Variants in TIE1 observed in about 807,000 individuals in gnomAD.
TIE1 encodes the protein tyrosine-protein kinase receptor Tie-1.
In TIE1, 89 loss-of-function variants were observed where a neutral mutation model predicts 130.5. The observed-to-expected ratio is 0.68, with a 90% CI of 0.57 to 0.81. TIE1 has a LOEUF of 0.81. Ranked by LOEUF, TIE1 falls within the 40% of genes least tolerant of loss-of-function variation. TIE1 has a pLI of 0.00. For synonymous variants in TIE1, 568 were observed against 629.4 expected (o/e 0.90, Z 1.46); for missense variants, 1,392 against 1,559.8 (o/e 0.89, Z 1.81).
chr1:43,301,155 C>A, intron 1 of TIE1, 26 bp downstream of exon 1: 1 of 1,605,178 alleles, frequency 6.2e-7, no homozygotes, highest in African/African-American at 1.3e-5. Flanking sequence ...GTCCCTCACC[C>A]CATTTCTAGG....
intron 1 of TIE1, among the ~76,000 whole-genome samples, chr1:43,304,497 G>A (rs1646702710): frequency 6.6e-6 from 1 of 152,230 alleles, no homozygotes; most frequent in African/African-American, 2.4e-5. Flanking sequence ...CGGAGACAGG[G>A]AGCATAGATC....
At chr1:43,301,438 A>G (rs897850114) in intron 1 of TIE1, among the ~76,000 whole-genome samples, 7 of 151,860 alleles carry the variant, frequency 4.6e-5, no homozygotes, top group Non-Finnish European at 1.0e-4. Context: ...ACTGGTCAAC[A>G]TAGTGAGACC....
chr1:43,321,770 C>A lies in TIE1; in HGVS notation c.3345+55C>A. On this transcript the variant is annotated intron_variant, in intron 22 of 22. Coordinates refer to ENST00000372476, the MANE Select transcript of TIE1 (RefSeq NM_005424.5). ...TGGGCTCACAGAGTGCTCCAGAGTGCCCTCTCAGAGGTGCCATGACCCCTG... is the reference window on the plus strand; with the variant it reads ...TGGGCTCACAGAGTGCTCCAGAGTGACCTCTCAGAGGTGCCATGACCCCTG... 1.3e-5 allele frequency: 20 copies of A among 1,508,838 alleles called. 1 individual carries two copies. In the South Asian group the frequency reaches 2.3e-4, roughly 17 times the overall value. 93.5% of individuals were successfully genotyped at this position (1,508,838 alleles called of 1,614,324 possible). A position where few individuals can be genotyped will look rare whatever the true frequency, so the allele number is the denominator to read the frequency against.
Position 43,307,640 on chromosome 1 carries a change from A to G in TIE1, c.913+68A>G. On this transcript the variant is annotated intron_variant, in intron 6 of 22. Transcript: ENST00000372476. This position sits in a 1 kb window ranked among gnomAD's most constrained non-coding sequence, Gnocchi z 5.4. ...GCCAGGAGCTTGACCCGGACCCTCC[A>G]CTCTGCCTCTGACTTACGCAGCAAG... 1 of 1,609,870 alleles carries G rather than the reference A, an allele frequency of 6.2e-7. No individual in the cohort carries two copies.
At chr1:43,308,766 G>A (rs1467809) in intron 7 of TIE1, 444,630 of 662,302 alleles carry the variant, frequency 0.67, 151,897 homozygotes, top group South Asian at 0.83. Context: ...GCAGGTATTA[G>A]ACGGTATCGG....
intron 14 of TIE1, chr1:43,314,418 C>A: frequency 1.8e-6 from 2 of 1,107,680 alleles, no homozygotes; most frequent in Non-Finnish European, 2.2e-6. Context: ...TCTGTCTGCA[C>A]ACATCTTTGG....
rs1301677493 is a variant in TIE1, at chr1:43,306,098, T to C, written c.485-742T>C. 4.0e-5 allele frequency among the ~76,000 whole-genome samples: 6 copies of C among 151,720 alleles called. No homozygotes were observed. The East Asian group carries it at 1.2e-3, about 29-fold the overall frequency. ...CCTGAGCAAAGAGGCAAGAAGCGGG[T>C]GGGGCAGCGACTGGAGCACTCTTCT... is the stretch of plus-strand genomic sequence containing the variant. On this transcript the variant is annotated intron_variant, in intron 3 of 22. Coordinates refer to ENST00000372476, the MANE Select transcript of TIE1 (RefSeq NM_005424.5). This position sits in a 1 kb window ranked among gnomAD's most constrained non-coding sequence, Gnocchi z 4.9.
chr1:43,304,756 C>T (rs1399527293), intron 1 of TIE1, 95 bp from the exon 2 acceptor site: 2 of 1,277,994 alleles, frequency 1.6e-6, no homozygotes, highest in Non-Finnish European at 1.0e-6. Context: ...TCTGAGTGGA[C>T]GGTGGATCAG....
Position 43,318,037 on chromosome 1 carries a change from G to A in TIE1, c.2887G>A (p.Ala963Thr). The change falls in exon 17 of 23, where the codon GCG becomes ACG. Residue 963 changes from alanine (A) to threonine (T), a missense_variant. By Grantham distance (58) the Ala-to-Thr change is moderately conservative (BLOSUM62 0). Around this residue, in one of 6 missense-constraint regions of TIE1, gnomAD observed 286 missense variants for 354.4 expected, o/e 0.81. Transcript: ENST00000372476. The surrounding 1 kb of genome is among the most constrained non-coding windows in gnomAD (Gnocchi z 4.4). ...GCAGCTGCTGCGTTTCGCCAGTGAT[G>A]CGGCCAATGGCATGCAGTACCTGAG... ...SRQLLRFASD[A>T]ANGMQYLSEK... 1.3e-6 allele frequency: 2 copies of A among 1,577,602 alleles called. No homozygotes were observed. The highest frequency in any genetic ancestry group is 1.2e-5 in the South Asian group (1 of 83,948).
chr1:43,308,510 A>ACTCAGGTTTGGGTACCAGGACAGTGG (rs1246859644), intron 7 of TIE1, among the ~76,000 whole-genome samples: 5 of 151,842 alleles, frequency 3.3e-5, no homozygotes, highest in African/African-American at 7.3e-5. Context: ...GGGACTGGGG[A>ACTCAGGTTTGGGTACCAGGACAGTGG]AATGGTCAGA....
chr1:43,321,055 C>CAAAA (rs1237782969), intron 19 of TIE1, among the ~76,000 whole-genome samples: 2 of 121,196 alleles, frequency 1.7e-5, no homozygotes, highest in Non-Finnish European at 3.4e-5. Context: ...AAAAAAAAAA[C>CAAAA]AAAACAAAAG....
At position 43,319,024 on chromosome 1, in the gene TIE1, C is replaced by A. The variant is rs1172683247; in HGVS notation, c.2923-211C>A. ...CACTGTCTCAGGAAAAGGGATCCAG[C>A]CTGAACTTGGTCAGGGCCCAGGAAC... On this transcript the variant is annotated intron_variant, in intron 17 of 22. Transcript: ENST00000372476. This position sits in a 1 kb window ranked among gnomAD's most constrained non-coding sequence, Gnocchi z 4.7. Among the ~76,000 whole-genome samples, 1 of 152,054 alleles carries A rather than the reference C, an allele frequency of 6.6e-6. No homozygotes were observed. The highest frequency in any genetic ancestry group is 6.6e-5 in the Admixed American group (1 of 15,264).
At position 43,312,004 on chromosome 1, in the gene TIE1, T is replaced by C. The variant is rs1402374956; in HGVS notation, c.1503T>C (p.Ser501=). Residue 501 remains serine, a synonymous_variant, in exon 11 of 23, where the codon AGT becomes AGC. Transcript: ENST00000372476. The surrounding 1 kb of genome is among the most constrained non-coding windows in gnomAD (Gnocchi z 5.6). ...ACACCCCACGCCCAGTGGACCCCAG[T>C]GAGAACGTGACGTTAATGAACCTGA... is the stretch of plus-strand genomic sequence containing the variant. ...MDWSTIVVDP[S]ENVTLMNLRP... 1.3e-6 allele frequency: 2 copies of C among 1,591,636 alleles called. No individual in the cohort carries two copies. The highest frequency in any genetic ancestry group is 1.7e-6 in the Non-Finnish European group (2 of 1,166,266).
chr1:43,313,960 T>A lies in TIE1; in HGVS notation c.2401T>A (p.Ser801Thr). The A allele has an allele frequency of 6.2e-7, 1 of 1,614,076 alleles. No homozygotes were observed. The highest frequency in any genetic ancestry group is 8.5e-7 in the Non-Finnish European group (1 of 1,180,012). Residue 801 changes from serine (S) to threonine (T), a missense_variant, in exon 14 of 23, where the codon TCA becomes ACA. Ser to Thr is a moderately conservative substitution (Grantham distance 58, BLOSUM62 1). Transcript: ENST00000372476. This position sits in a 1 kb window ranked among gnomAD's most constrained non-coding sequence, Gnocchi z 6.2. ...LHRRRTFTYQ[S>T]GSGEETILQF... ...TCGGAGACGCACCTTCACCTACCAG[T>A]CAGGCTCGGTCAGTGACCCGCCCCG...
Position 43,313,776 on chromosome 1 carries a change from A to C in TIE1, c.2219-2A>C, listed in dbSNP as rs1478088550. 6.2e-7 allele frequency: 1 copy of C among 1,610,628 alleles called. No homozygotes were observed. ...ACAATCTGCCCCTCTCACTGTGTCCAGGGCTGCAGGCTGAGGGCCCAGTCC... is the reference window on the plus strand; with the variant it reads ...ACAATCTGCCCCTCTCACTGTGTCCCGGGCTGCAGGCTGAGGGCCCAGTCC... On this transcript the variant is annotated splice_acceptor_variant, in intron 13 of 22. Coordinates refer to ENST00000372476, the MANE Select transcript of TIE1 (RefSeq NM_005424.5). LOFTEE classifies it high-confidence loss of function. This position sits in a 1 kb window ranked among gnomAD's most constrained non-coding sequence, Gnocchi z 6.2.
rs1156323270 is a variant in TIE1, at chr1:43,313,730, TTCCC to T, written c.2219-46_2219-43del. On this transcript the variant is annotated intron_variant, in intron 13 of 22. Transcript: ENST00000372476. This position sits in a 1 kb window ranked among gnomAD's most constrained non-coding sequence, Gnocchi z 6.2. ...GTGTAACCCCATGGTGGCCTCTGGG[TTCCC>T]TGACCCAGGTGTCCCCACAATCTGC... The T allele has an allele frequency of 4.2e-5, 65 of 1,558,236 alleles. No homozygotes were observed. Among genetic ancestry groups the T allele is most frequent in the Non-Finnish European group, 5.7e-5 (65 of 1,150,092 alleles).
chr1:43,306,743 A>G lies in TIE1; in HGVS notation c.485-97A>G. The G allele has an allele frequency of 5.6e-6, 8 of 1,431,278 alleles. No individual in the cohort carries two copies. Among genetic ancestry groups the G allele is most frequent in the East Asian group, 2.3e-5 (1 of 43,704 alleles). 88.7% of individuals were successfully genotyped at this position (1,431,278 alleles called of 1,614,324 possible). On this transcript the variant is annotated intron_variant, in intron 3 of 22. Transcript: ENST00000372476. The surrounding 1 kb of genome is among the most constrained non-coding windows in gnomAD (Gnocchi z 4.9). ...CCGGCCCTAGGTCTCATCACTGTGC[A>G]TGGGGCTCATTGATGTGAGCTGAGC... is the stretch of plus-strand genomic sequence containing the variant.
Position 43,305,066 on chromosome 1 carries a change from G to A in TIE1, c.274G>A (p.Gly92Ser), listed in dbSNP as rs756575049. 45 of 1,609,980 alleles carry A rather than the reference G, an allele frequency of 2.8e-5. No individual in the cohort carries two copies. The highest frequency in any genetic ancestry group is 1.6e-4 in the East Asian group (7 of 44,738). ...RNGSHQVTLR[G>S]FSKPSDLVGV... ...CGGTTCGCACCAGGTCACGCTTCGC[G>A]GCTTCTCCAAGCCCTCGGACCTCGT... Residue 92 changes from glycine (G) to serine (S), a missense_variant, in exon 2 of 23, where the codon GGC becomes AGC. Gly to Ser is a moderately conservative substitution (Grantham distance 56). Coordinates refer to ENST00000372476, the MANE Select transcript of TIE1 (RefSeq NM_005424.5).
chr1:43,317,791 TC>T lies in TIE1; in HGVS notation c.2732-89del. The T allele has an allele frequency of 1.3e-6, 2 of 1,511,308 alleles. No individual in the cohort carries two copies. The highest frequency in any genetic ancestry group is 1.8e-6 in the Non-Finnish European group (2 of 1,097,994). 93.6% of individuals were successfully genotyped at this position (1,511,308 alleles called of 1,614,324 possible). A position where few individuals can be genotyped will look rare whatever the true frequency, so the allele number is the denominator to read the frequency against. On this transcript the variant is annotated intron_variant, in intron 16 of 22. Transcript: ENST00000372476. The surrounding 1 kb of genome is among the most constrained non-coding windows in gnomAD (Gnocchi z 5.1). ...GTGACCTGTGCACCACCCTTGATCC[TC>T]CTTCATCCCTGTCTGTTACCATCGG...
Sources: gnomAD v4.1 joint callset for allele counts (sites outside exome capture counted in the v4.1 genomes callset) on GRCh38, gnomAD v4.1.1 for gene constraint, gnomAD v4.1.1 regional missense constraint, Gnocchi (gnomAD v3.1) non-coding constraint, MANE v1.5 for transcripts, NCBI Gene and HGNC (gene_info 2026-07-23, HGNC 2026-07-21) for gene names.